The following RGS5 variants were observed in gnomAD, a reference collection of about 807,000 sequenced individuals.
RGS5 encodes the protein regulator of G protein signaling 5, also known as regulator of G-protein signalling 5.
RGS5 carries 20 observed loss-of-function variants against 18.9 expected under a neutral mutation model. The observed-to-expected ratio is 1.06, with a 90% confidence interval of 0.74 to 1.54. RGS5 has a LOEUF of 1.54. Among genes scored for constraint, RGS5 ranks in the 40% most tolerant of loss-of-function variants. RGS5 has a pLI of 0.00. For synonymous variants in RGS5, 57 were observed against 76.2 expected (o/e 0.75, Z 1.31); for missense variants, 201 against 211.8 (o/e 0.95, Z 0.32).
At chr1:163,158,609 A>G (rs1220856120) in intron 3 of RGS5, among the ~76,000 whole-genome samples, 1 of 152,152 alleles carries the variant, frequency 6.6e-6, no homozygotes, top group Non-Finnish European at 1.5e-5. Context: ...GTGATTTTCA[A>G]AAGGGGAAGG....
chr1:163,244,522 A>AT (rs750825194), intron 2 of RGS5: 2 of 152,168 alleles, frequency 1.3e-5, no homozygotes, highest in African/African-American at 4.8e-5. Flanking sequence ...TGATTTTTTT[A>AT]TTTTTTATCT....
chr1:163,207,899 CA>C (rs1240465595), upstream of RGS5, among the ~76,000 whole-genome samples: 8 of 146,394 alleles, frequency 5.5e-5, no homozygotes, highest in East Asian at 4.0e-4. Context: ...TCCTACATAC[CA>C]AAAAAAAAGA....
At chr1:163,208,904 AAC>A (rs1481543103) in intron 1 of RGS5, among the ~76,000 whole-genome samples, 1 of 151,968 alleles carries the variant, frequency 6.6e-6, no homozygotes, top group African/African-American at 2.4e-5. Context: ...ATTATGGTCA[AAC>A]ACACACACAT....
intron 2 of RGS5, among the ~76,000 whole-genome samples, chr1:163,167,160 C>G (rs1009747160): frequency 6.6e-6 from 1 of 152,142 alleles, no homozygotes; most frequent in Admixed American, 6.5e-5. Flanking sequence ...ATCAATCCAG[C>G]TATGGTAAGT....
intron 1 of RGS5, among the ~76,000 whole-genome samples, chr1:163,171,960 G>T (rs901064807): frequency 6.6e-6 from 1 of 152,168 alleles, no homozygotes; most frequent in Non-Finnish European, 1.5e-5. Flanking sequence ...TAGATCAGGG[G>T]GAACTTCTCA....
In RGS5 at chr1:163,146,182, A is replaced by C. The variant is rs935471498; in HGVS notation, c.*1160T>G. The stretch of plus-strand genomic sequence containing the variant: ...AAATCTGCACTTTTGACTGTAAGTA[A>C]AATTTGCTAATGCAGGAAGCGAAAT... On this transcript the variant is annotated 3_prime_UTR_variant, in exon 5 of 5. Transcript: ENST00000313961. 6.6e-6 allele frequency: 1 copy of C among 152,176 alleles called. No homozygotes were observed. Among genetic ancestry groups the C allele is most frequent in the Non-Finnish European group, 1.5e-5 (1 of 68,028 alleles). 9.4% of individuals were successfully genotyped at this position (152,176 alleles called of 1,614,324 possible). A position where few individuals can be genotyped will look rare whatever the true frequency, so the allele number is the denominator to read the frequency against.
chr1:163,299,926 G>C (rs905528982), intron 2 of RGS5, among the ~76,000 whole-genome samples: 4 of 152,210 alleles, frequency 2.6e-5, no homozygotes, highest in Non-Finnish European at 4.4e-5. Context: ...AAAGGTAGCA[G>C]AAATTAACCT....
intron 2 of RGS5, among the ~76,000 whole-genome samples, chr1:163,249,217 A>T (rs191291431): frequency 2.0e-4 from 31 of 152,216 alleles, no homozygotes; most frequent in Non-Finnish European, 3.1e-4. Context: ...CTTCTCTATG[A>T]GGAGTACAAT....
At chr1:163,292,345 G>C (rs566710729) in intron 2 of RGS5, among the ~76,000 whole-genome samples, 10 of 152,286 alleles carry the variant, frequency 6.6e-5, no homozygotes, top group Admixed American at 4.6e-4. Flanking sequence ...CAAAAGACAT[G>C]ATCTCATTCC....
chr1:163,229,924 G>T (rs903677176), intron 2 of RGS5, among the ~76,000 whole-genome samples: 8 of 152,086 alleles, frequency 5.3e-5, no homozygotes, highest in African/African-American at 1.9e-4. Flanking sequence ...CTCATAGTAG[G>T]TCATTAACAA....
chr1:163,187,862 C>T lies in RGS5; in HGVS notation c.44+14930G>A, dbSNP rs151038098. ...CTTGAAGCCAGTTTGTCAGAAGTTC[C>T]GGAGGTGCAAACTTACCACTGGTAG... On this transcript the variant is annotated intron_variant, in intron 1 of 4. Transcript: ENST00000313961. Among the ~76,000 whole-genome samples, 16 of 152,202 alleles carry T rather than the reference C, an allele frequency of 1.1e-4. No individual in the cohort carries two copies. In the East Asian group the frequency reaches 1.4e-3, roughly 13 times the overall value.
chr1:163,157,814 C>T (rs981693101), intron 3 of RGS5, among the ~76,000 whole-genome samples: 1 of 152,090 alleles, frequency 6.6e-6, no homozygotes, highest in African/African-American at 2.4e-5. Flanking sequence ...AGCCATCGTC[C>T]TGCCTCACAC....
intron 2 of RGS5, among the ~76,000 whole-genome samples, chr1:163,283,056 T>C (rs963234844): frequency 6.6e-5 from 10 of 152,122 alleles, no homozygotes; most frequent in African/African-American, 2.4e-4. Flanking sequence ...CCACATATTG[T>C]CACTCATTTG....
chr1:163,253,293 G>T (rs891097717), intron 2 of RGS5, among the ~76,000 whole-genome samples: 1 of 151,994 alleles, frequency 6.6e-6, no homozygotes, highest in East Asian at 1.9e-4. Context: ...ATCATGATCA[G>T]AAATAAACTA....
chr1:163,298,005 C>T (rs946377628), intron 2 of RGS5, among the ~76,000 whole-genome samples: 10 of 152,010 alleles, frequency 6.6e-5, no homozygotes, highest in African/African-American at 2.2e-4. Flanking sequence ...ACTTGTTTCT[C>T]TGAAAGAAAA....
chr1:163,156,657 A>G (rs1434098482), intron 3 of RGS5, among the ~76,000 whole-genome samples: 1 of 152,196 alleles, frequency 6.6e-6, no homozygotes, highest in Non-Finnish European at 1.5e-5. Flanking sequence ...TCCCGCAGAA[A>G]TAAGACACAT....
intron 2 of RGS5, among the ~76,000 whole-genome samples, chr1:163,294,009 A>T (rs1009925320): frequency 2.6e-5 from 4 of 152,214 alleles, no homozygotes; most frequent in African/African-American, 9.6e-5. Context: ...GGCTCTGCAG[A>T]GTATAGCCCC....
Position 163,166,491 on chromosome 1 carries a change from A to G in RGS5, c.155+1767T>C, listed in dbSNP as rs1006058419. The stretch of plus-strand genomic sequence containing the variant: ...TTTTAAAGTGAGAGAAGAGAGAGAG[A>G]GATGGAGCTTATGCAGAACACAGTA... On this transcript the variant is annotated intron_variant, in intron 2 of 4. Coordinates refer to ENST00000313961, the MANE Select transcript of RGS5 (RefSeq NM_003617.4). 4.6e-5 allele frequency among the ~76,000 whole-genome samples: 7 copies of G among 152,296 alleles called. No homozygotes were observed. In the South Asian group the frequency reaches 8.3e-4, roughly 18 times the overall value.
At chr1:163,222,587 T>C (rs1416124606), upstream of RGS5, among the ~76,000 whole-genome samples, 1 of 152,152 alleles carries the variant, frequency 6.6e-6, no homozygotes. Context: ...TGTATAGATA[T>C]CTTATTAAAT....
Sources: gnomAD v4.1 joint callset for allele counts (sites outside exome capture counted in the v4.1 genomes callset) on GRCh38, gnomAD v4.1.1 for gene constraint, MANE v1.5 for transcripts, NCBI Gene and HGNC (gene_info 2026-07-23, HGNC 2026-07-21) for gene names.